PLA2G5: variants seen among roughly 807,000 people sequenced by gnomAD.
The protein encoded by PLA2G5 is Ca2+-dependent phospholipase A2.
A neutral mutation model predicts 15.9 loss-of-function variants in PLA2G5; 12 were observed. The ratio of observed to expected loss-of-function variants is 0.76; its 90% CI spans 0.48 to 1.23. PLA2G5 has a LOEUF of 1.23. Ranked by LOEUF, PLA2G5 falls within the 50% of genes most tolerant of loss-of-function variation. The pLI is 0.00. For synonymous variants in PLA2G5, 71 were observed against 71.4 expected (o/e 0.99, Z 0.03); for missense variants, 169 against 177.1 (o/e 0.95, Z 0.26).
At chr1:20,052,833 C>T (rs190482170) in intron 1 of PLA2G5, among the ~76,000 whole-genome samples, 118 of 152,264 alleles carry the variant, frequency 7.7e-4, no homozygotes, top group Non-Finnish European at 1.4e-3. Context: ...AAAGTCACCC[C>T]CTGCCCACTA....
chr1:20,062,946 C>T (rs2014810632), intron 2 of PLA2G5, among the ~76,000 whole-genome samples: 1 of 152,122 alleles, frequency 6.6e-6, no homozygotes, highest in South Asian at 2.1e-4. Context: ...AGATCTGTGG[C>T]CCCAAGTTTC....
upstream of PLA2G5, among the ~76,000 whole-genome samples, chr1:20,067,700 A>T (rs2015113616): frequency 6.6e-6 from 1 of 151,862 alleles, no homozygotes; most frequent in Admixed American, 6.6e-5. Flanking sequence ...ACAAAAAAAA[A>T]AATTATAGTA....
chr1:20,089,466 G>A (rs2016456338), intron 3 of PLA2G5, among the ~76,000 whole-genome samples: 2 of 152,166 alleles, frequency 1.3e-5, no homozygotes, highest in South Asian at 4.1e-4. Flanking sequence ...TGGGAAGTTT[G>A]TCTGGGCAGG....
intron 1 of PLA2G5, among the ~76,000 whole-genome samples, chr1:20,080,903 G>T (rs2015978272): frequency 6.6e-6 from 1 of 151,912 alleles, no homozygotes; most frequent in Non-Finnish European, 1.5e-5. Flanking sequence ...CCTTGGTCAG[G>T]GGAGCAGGGC....
intron 1 of PLA2G5, among the ~76,000 whole-genome samples, chr1:20,053,912 T>C (rs1413952685): frequency 6.6e-6 from 1 of 152,250 alleles, no homozygotes; most frequent in African/African-American, 2.4e-5. Flanking sequence ...CTACACAAAC[T>C]AATTTACAGT....
chr1:20,090,139 A>G (rs1029241535), intron 4 of PLA2G5, among the ~76,000 whole-genome samples: 6 of 152,168 alleles, frequency 3.9e-5, no homozygotes, highest in African/African-American at 1.2e-4. Flanking sequence ...CCTGTAGAGT[A>G]TGTTTAGGCT....
intron 1 of PLA2G5, among the ~76,000 whole-genome samples, chr1:20,040,928 C>T (rs1032602398): frequency 5.9e-5 from 9 of 152,180 alleles, no homozygotes; most frequent in Non-Finnish European, 1.0e-4. Context: ...GTTGTCCTGC[C>T]TTTCTGGACC....
chr1:20,075,957 C>T (rs566637796), intron 1 of PLA2G5, among the ~76,000 whole-genome samples: 22 of 151,650 alleles, frequency 1.5e-4, no homozygotes, highest in African/African-American at 5.3e-4. Context: ...CTGCAACCCC[C>T]GCCTTCCGGG....
chr1:20,072,488 GGA>G (rs750853356), intron 1 of PLA2G5, among the ~76,000 whole-genome samples: 1 of 152,124 alleles, frequency 6.6e-6, no homozygotes, highest in South Asian at 2.1e-4. Context: ...ACAGGGGGAG[GGA>G]GAGAGAGACA....
At chr1:20,078,043 G>A (rs996089853) in intron 1 of PLA2G5, among the ~76,000 whole-genome samples, 3 of 152,148 alleles carry the variant, frequency 2.0e-5, no homozygotes, top group Non-Finnish European at 4.4e-5. Flanking sequence ...CTGCATTTGG[G>A]GGGCCAGCAG....
At chr1:20,036,857 G>A (rs2013279077) in intron 1 of PLA2G5, among the ~76,000 whole-genome samples, 1 of 151,594 alleles carries the variant, frequency 6.6e-6, no homozygotes, top group Non-Finnish European at 1.5e-5. Flanking sequence ...TAGAGACAGG[G>A]TTTCTCCATG....
At chr1:20,057,563 A>G (rs2014499050) in intron 1 of PLA2G5, among the ~76,000 whole-genome samples, 1 of 152,172 alleles carries the variant, frequency 6.6e-6, no homozygotes, top group African/African-American at 2.4e-5. Context: ...CAGTGGCACA[A>G]TCTTGGCTCA....
intron 1 of PLA2G5, among the ~76,000 whole-genome samples, chr1:20,037,328 C>G (rs953896552): frequency 6.6e-6 from 1 of 152,104 alleles, no homozygotes; most frequent in East Asian, 1.9e-4. Flanking sequence ...TATTGTTCTT[C>G]TGGGTCTAGC....
At chr1:20,090,025 CAG>C in intron 4 of PLA2G5, 130 bp downstream of exon 4, 1 of 659,738 alleles carries the variant, frequency 1.5e-6, no homozygotes, top group Non-Finnish European at 2.7e-6. Context: ...ACGAGAGGAG[CAG>C]GATTATTGCA....
chr1:20,034,369 A>C (rs2013133466), intron 1 of PLA2G5, among the ~76,000 whole-genome samples: 1 of 152,206 alleles, frequency 6.6e-6, no homozygotes, highest in Non-Finnish European at 1.5e-5. Context: ...GGAATAGTAA[A>C]AAAGGCATTC....
At chr1:20,041,902 G>A (rs1053982943) in intron 1 of PLA2G5, among the ~76,000 whole-genome samples, 2 of 152,136 alleles carry the variant, frequency 1.3e-5, no homozygotes. Flanking sequence ...CATAAGCATT[G>A]GCCTGAGCAA....
upstream of PLA2G5, among the ~76,000 whole-genome samples, chr1:20,067,098 C>G (rs908498751): frequency 6.6e-6 from 1 of 152,092 alleles, no homozygotes; most frequent in African/African-American, 2.4e-5. Flanking sequence ...GAGGCTCAAG[C>G]GATCCTCCCA....
At chr1:20,048,525 T>A (rs1049126766) in intron 1 of PLA2G5, among the ~76,000 whole-genome samples, 1 of 152,240 alleles carries the variant, frequency 6.6e-6, no homozygotes, top group Non-Finnish European at 1.5e-5. Context: ...CCATAACTTC[T>A]AATCTTGTGG....
At chr1:20,082,369 C>A (rs747529197) in intron 1 of PLA2G5, among the ~76,000 whole-genome samples, 2 of 151,624 alleles carry the variant, frequency 1.3e-5, no homozygotes, top group African/African-American at 4.9e-5. Context: ...TGTAGTTGTA[C>A]GCATGCTCCC....
Sources: gnomAD v4.1 joint callset for allele counts (sites outside exome capture counted in the v4.1 genomes callset) on GRCh38, gnomAD v4.1.1 for gene constraint, MANE v1.5 for transcripts, NCBI Gene and HGNC (gene_info 2026-07-23, HGNC 2026-07-21) for gene names.